The following RAPGEF1 variants were observed in gnomAD, a reference collection of about 807,000 sequenced individuals.
RAPGEF1 encodes the protein Rap guanine nucleotide exchange factor 1.
RAPGEF1 carries 33 observed loss-of-function variants against 143.3 expected under a neutral mutation model. The ratio of observed to expected loss-of-function variants is 0.23; its 90% CI spans 0.17 to 0.31. The LOEUF is 0.31. Among genes scored for constraint, RAPGEF1 ranks in the 10% least tolerant of loss-of-function variants. The pLI is 1.00. For synonymous variants in RAPGEF1, 629 were observed against 676.5 expected (o/e 0.93, Z 1.09); for missense variants, 1,199 against 1,645.4 (o/e 0.73, Z 4.69).
chr9:131,609,960 G>A (rs879820366), intron 12 of RAPGEF1, among the ~76,000 whole-genome samples: 53 of 152,234 alleles, frequency 3.5e-4, no homozygotes, highest in Admixed American at 7.2e-4. Flanking sequence ...GCAGTGATGC[G>A]GTCTTGGCTC....
At chr9:131,730,573 T>C (rs1836984457) in intron 1 of RAPGEF1, among the ~76,000 whole-genome samples, 1 of 151,450 alleles carries the variant, frequency 6.6e-6, no homozygotes, top group South Asian at 2.1e-4. Context: ...CGGGCGCCTG[T>C]CATCCCAGCT....
At position 131,655,574 on chromosome 9, in the gene RAPGEF1, T is replaced by C; in HGVS notation, c.62-4625A>G. 6.6e-6 allele frequency among the ~76,000 whole-genome samples: 1 copy of C among 152,230 alleles called. No homozygotes were observed. ...TTCAACATGGATGTGAACAGTCTAA[T>C]CCTTCATGTGATGCTTAAGAGGGTG... On this transcript the variant is annotated intron_variant, in intron 1 of 26. Transcript: ENST00000683357. This position sits in a 1 kb window ranked among gnomAD's most constrained non-coding sequence, Gnocchi z 4.1.
At chr9:131,670,371 C>T (rs544233496) in intron 1 of RAPGEF1, among the ~76,000 whole-genome samples, 1 of 152,194 alleles carries the variant, frequency 6.6e-6, no homozygotes, top group Non-Finnish European at 1.5e-5. Flanking sequence ...CCTGTCCCCA[C>T]CCTCGCTTCT....
At chr9:131,712,039 T>C (rs1410606901) in intron 1 of RAPGEF1, among the ~76,000 whole-genome samples, 1 of 152,200 alleles carries the variant, frequency 6.6e-6, no homozygotes, top group Non-Finnish European at 1.5e-5. Flanking sequence ...ACAGAGATCA[T>C]TTTTGCAAAA....
intron 9 of RAPGEF1, among the ~76,000 whole-genome samples, chr9:131,627,071 G>A (rs1021946478): frequency 2.0e-5 from 3 of 151,956 alleles, no homozygotes; most frequent in Admixed American, 6.6e-5. Context: ...AAAATTAGCC[G>A]GGCGTGGTGG....
chr9:131,691,143 T>A (rs1387612018), intron 1 of RAPGEF1, among the ~76,000 whole-genome samples: 1 of 152,248 alleles, frequency 6.6e-6, no homozygotes, highest in Non-Finnish European at 1.5e-5. Context: ...CTTACTGTAT[T>A]TGCCTTCTGA....
chr9:131,621,734 T>C lies in RAPGEF1; in HGVS notation c.1905+62A>G. 1.3e-6 allele frequency: 2 copies of C among 1,497,788 alleles called. No homozygotes were observed. The highest frequency in any genetic ancestry group is 9.0e-7 in the Non-Finnish European group (1 of 1,106,160). 92.8% of individuals were successfully genotyped at this position (1,497,788 alleles called of 1,614,324 possible). ...TTAACCCTGCCCCCAAGGAGGGTCA[T>C]TCTGGTTCCTAGAGACCTGCTAGGA... On this transcript the variant is annotated intron_variant, in intron 11 of 26. Transcript: ENST00000683357. This position sits in a 1 kb window ranked among gnomAD's most constrained non-coding sequence, Gnocchi z 4.5.
chr9:131,608,411 C>T (rs1439238954), intron 12 of RAPGEF1, among the ~76,000 whole-genome samples: 1 of 152,242 alleles, frequency 6.6e-6, no homozygotes. Flanking sequence ...TATTACCTGA[C>T]TCACAGAAGC....
At chr9:131,665,756 A>G (rs1168164782) in intron 1 of RAPGEF1, among the ~76,000 whole-genome samples, 2 of 152,124 alleles carry the variant, frequency 1.3e-5, no homozygotes, top group East Asian at 1.9e-4. Flanking sequence ...GTGGTTGGGT[A>G]ATGTTGGTCT....
At chr9:131,638,264 A>G (rs1966842358) in intron 5 of RAPGEF1, among the ~76,000 whole-genome samples, 1 of 152,228 alleles carries the variant, frequency 6.6e-6, no homozygotes, top group African/African-American at 2.4e-5. Context: ...GAATCCTAGA[A>G]GCTCCCAGAA....
At chr9:131,609,423 G>A (rs954301619) in intron 12 of RAPGEF1, among the ~76,000 whole-genome samples, 1 of 152,148 alleles carries the variant, frequency 6.6e-6, no homozygotes, top group African/African-American at 2.4e-5. Context: ...TATCCTGGAC[G>A]AGACAGGCCC....
In RAPGEF1 at chr9:131,603,991, CTGGCCAGAGG is replaced by C; in HGVS notation, c.2372_2381del (p.Ser791Ter). ...GAGAGGGAGCCAGCTCCTCGCTGCT[CTGGCCAGAGG>C]AATACAGATTGACATATTCACCCTC... On this transcript the variant is annotated frameshift_variant, in exon 14 of 27. Coordinates refer to ENST00000683357, the MANE Select transcript of RAPGEF1 (RefSeq NM_001377935.1). LOFTEE classifies it high-confidence loss of function. The C allele has an allele frequency of 7.5e-7, 1 of 1,336,958 alleles. No individual in the cohort carries two copies. 82.8% of individuals were successfully genotyped at this position (1,336,958 alleles called of 1,614,324 possible).
At chr9:131,683,161 C>T (rs548607822) in intron 1 of RAPGEF1, among the ~76,000 whole-genome samples, 8 of 152,300 alleles carry the variant, frequency 5.3e-5, no homozygotes, top group African/African-American at 1.7e-4. Context: ...TTTGAAAGAA[C>T]TGCTTCAAGT....
chr9:131,587,837 A>G lies in RAPGEF1; in HGVS notation c.3139-7T>C. ...AAAGCAAAACCTCAGGAATCTACAA[A>G]AGGAAAGAAGGCAGATGGAGGTGGA... On this transcript the variant is annotated splice_region_variant and splice_polypyrimidine_tract_variant and intron_variant, in intron 21 of 26. Coordinates refer to ENST00000683357, the MANE Select transcript of RAPGEF1 (RefSeq NM_001377935.1). The G allele has an allele frequency of 6.2e-7, 1 of 1,612,718 alleles. No individual in the cohort carries two copies. The highest frequency in any genetic ancestry group is 8.5e-7 in the Non-Finnish European group (1 of 1,179,272).
At chr9:131,643,444 G>C in intron 3 of RAPGEF1, 27 bp from the exon 4 acceptor site, 1 of 1,586,702 alleles carries the variant, frequency 6.3e-7, no homozygotes, top group East Asian at 2.2e-5. Flanking sequence ...GGCATAAGGA[G>C]GAGGAGAGAG....
intron 1 of RAPGEF1, among the ~76,000 whole-genome samples, chr9:131,693,757 C>A (rs1278262379): frequency 6.6e-6 from 1 of 152,074 alleles, no homozygotes; most frequent in Non-Finnish European, 1.5e-5. Context: ...AGATCCCATC[C>A]ATTCCCAAGT....
chr9:131,612,700 G>T (rs1388503140), intron 12 of RAPGEF1, among the ~76,000 whole-genome samples: 1 of 152,214 alleles, frequency 6.6e-6, no homozygotes, highest in African/African-American at 2.4e-5. Flanking sequence ...ACCAGGTCAA[G>T]CTGAGTGGGA....
intron 1 of RAPGEF1, among the ~76,000 whole-genome samples, chr9:131,727,420 CCT>C (rs1469296969): frequency 6.6e-6 from 1 of 152,146 alleles, no homozygotes; most frequent in Non-Finnish European, 1.5e-5. Context: ...AGCTCAGGAA[CCT>C]CTGTTCCAGT....
chr9:131,694,972 C>T (rs199533570), intron 1 of RAPGEF1, among the ~76,000 whole-genome samples: 1 of 143,896 alleles, frequency 6.9e-6, no homozygotes, highest in Non-Finnish European at 1.5e-5. Context: ...AACAGGCCCC[C>T]GTGTGTGATG....
Sources: allele counts gnomAD v4.1 joint callset (sites outside exome capture counted in the v4.1 genomes callset), GRCh38; gene constraint gnomAD v4.1.1; non-coding constraint Gnocchi (gnomAD v3.1); transcripts MANE v1.5; gene names NCBI Gene and HGNC (gene_info 2026-07-23, HGNC 2026-07-21).